The following DPP6 variants were observed in gnomAD, a reference collection of about 807,000 sequenced individuals.
DPP6 encodes A-type potassium channel modulatory protein DPP6.
Under a neutral mutation model 122.6 loss-of-function variants are expected in DPP6, and 69 were observed. The ratio of observed to expected loss-of-function variants is 0.56; its 90% CI spans 0.46 to 0.69. DPP6 has a LOEUF of 0.69. Ranked by LOEUF, DPP6 falls within the 30% of genes least tolerant of loss-of-function variation. DPP6 has a pLI of 0.00. For missense variants in DPP6, 928 were observed against 1,116.9 expected (o/e 0.83, Z 2.41); for synonymous variants, 418 against 433.1 (o/e 0.97, Z 0.43).
chr7:154,771,277 G>GGCAT (rs71184035), intron 9 of DPP6, among the ~76,000 whole-genome samples: 1 of 152,180 alleles, frequency 6.6e-6, no homozygotes, highest in Non-Finnish European at 1.5e-5. Flanking sequence ...GACCTAGGCA[G>GGCAT]CTTAAACAGC....
chr7:154,355,154 A>G (rs1811172544), intron 1 of DPP6, among the ~76,000 whole-genome samples: 1 of 152,198 alleles, frequency 6.6e-6, no homozygotes, highest in Non-Finnish European at 1.5e-5. Context: ...CTCCTTAGTC[A>G]AGTACCTATT....
the DPP6 span, among the ~76,000 whole-genome samples, chr7:153,862,635 C>T: frequency 6.6e-6 from 1 of 152,082 alleles, no homozygotes; most frequent in East Asian, 1.9e-4. Flanking sequence ...TTTTTTCCTT[C>T]TAAATGTAAT....
chr7:154,579,735 A>T (rs944142697), intron 5 of DPP6, among the ~76,000 whole-genome samples: 13 of 152,092 alleles, frequency 8.5e-5, no homozygotes, highest in Non-Finnish European at 1.5e-4. Context: ...CAGCAGGGAG[A>T]TGGACTGGCA....
chr7:154,137,542 A>G (rs1210795248), intron 1 of DPP6, among the ~76,000 whole-genome samples: 2 of 150,774 alleles, frequency 1.3e-5, no homozygotes, highest in Non-Finnish European at 3.0e-5. Context: ...TAATACACAC[A>G]TTGCAGAGCA....
At chr7:153,776,525 A>G in the DPP6 span, among the ~76,000 whole-genome samples, 8 of 146,842 alleles carry the variant, frequency 5.4e-5, no homozygotes, top group Non-Finnish European at 1.2e-4. Context: ...TTAAACCTCT[A>G]TTCTTTATAA....
At chr7:154,187,215 CAGTG>C (rs928176007) in intron 1 of DPP6, among the ~76,000 whole-genome samples, 16 of 152,316 alleles carry the variant, frequency 1.1e-4, no homozygotes, top group African/African-American at 3.4e-4. Context: ...CTTTAAAAAA[CAGTG>C]AGAGTCTTCT....
At position 154,772,663 on chromosome 7, in the gene DPP6, C is replaced by T. The variant is rs111645070; in HGVS notation, c.1039-182C>T. Among the ~76,000 whole-genome samples, 441 of 152,280 alleles carry T rather than the reference C, an allele frequency of 2.9e-3. 1 individual carries two copies. Among genetic ancestry groups the T allele is most frequent in the Middle Eastern group, 6.8e-3 (2 of 292 alleles). On this transcript the variant is annotated intron_variant, in intron 9 of 25. Coordinates refer to ENST00000377770, the MANE Select transcript of DPP6 (RefSeq NM_130797.4). ...AAAGCAAGAATCAGCCCACTTAGCCCTTTGTCCTTTTGAAACCCTACACAT... is the reference window on the plus strand; with the variant it reads ...AAAGCAAGAATCAGCCCACTTAGCCTTTTGTCCTTTTGAAACCCTACACAT...
chr7:154,679,809 C>A (rs7781813), intron 7 of DPP6, among the ~76,000 whole-genome samples: 7 of 152,158 alleles, frequency 4.6e-5, no homozygotes, highest in South Asian at 2.1e-4. Context: ...AATTAATATC[C>A]CACGGATGGA....
At position 154,330,357 on chromosome 7, in the gene DPP6, C is replaced by G. The variant is rs74896877; in HGVS notation, c.244-115857C>G. On this transcript the variant is annotated intron_variant, in intron 1 of 25. Transcript: ENST00000377770. The stretch of plus-strand genomic sequence containing the variant: ...GAAAAGAAAAAAGACAAGTCATGAT[C>G]TCTGAGGACAAGGTATTCACAGCCG... Among the ~76,000 whole-genome samples, 1,066 of 152,288 alleles carry G rather than the reference C, an allele frequency of 7.0e-3. 28 individuals carry two copies. The highest frequency in any genetic ancestry group is 0.06 in the East Asian group (313 of 5,180).
chr7:154,060,729 C>CA (rs1801693586), intron 1 of DPP6, among the ~76,000 whole-genome samples: 1 of 119,726 alleles, frequency 8.4e-6, no homozygotes, highest in African/African-American at 3.2e-5. Context: ...GGGGAGGCAC[C>CA]CCCCGCGAGG....
At chr7:154,853,649 T>C in intron 16 of DPP6, 131 bp from the exon 17 acceptor site, 2 of 1,296,762 alleles carry the variant, frequency 1.5e-6, no homozygotes, top group South Asian at 3.1e-5. Flanking sequence ...TTGATTACTC[T>C]TGCATGAATT....
intron 16 of DPP6, among the ~76,000 whole-genome samples, chr7:154,834,746 A>C (rs1444636727): frequency 1.3e-5 from 2 of 152,198 alleles, no homozygotes; most frequent in Non-Finnish European, 2.9e-5. Context: ...AAAGAAGTAA[A>C]GTTGAATGTA....
intron 16 of DPP6, among the ~76,000 whole-genome samples, chr7:154,831,318 G>T (rs1800611703): frequency 6.6e-6 from 1 of 152,200 alleles, no homozygotes; most frequent in Non-Finnish European, 1.5e-5. Context: ...GACCACACAG[G>T]CCACAGTGCT....
At chr7:154,163,755 A>T (rs1254565568) in intron 1 of DPP6, among the ~76,000 whole-genome samples, 1 of 152,130 alleles carries the variant, frequency 6.6e-6, no homozygotes, top group Non-Finnish European at 1.5e-5. Flanking sequence ...TAGCCTCTGG[A>T]GAAGGTTCCA....
At chr7:153,799,779 A>C in the DPP6 span, among the ~76,000 whole-genome samples, 1 of 152,254 alleles carries the variant, frequency 6.6e-6, no homozygotes, top group Non-Finnish European at 1.5e-5. Flanking sequence ...TCATTCTATT[A>C]TCCCAATATT....
At chr7:154,834,480 GAAAAACAAAAACAAAAAC>G (rs10595720) in intron 16 of DPP6, among the ~76,000 whole-genome samples, 90 of 150,004 alleles carry the variant, frequency 6.0e-4, no homozygotes, top group Non-Finnish European at 8.6e-4. Flanking sequence ...CCATCTCAAA[GAAAAACAAAAACAAAAAC>G]AAAAACAAAA....
chr7:154,093,223 TACAC>T (rs1301669464), intron 1 of DPP6, among the ~76,000 whole-genome samples: 2 of 143,848 alleles, frequency 1.4e-5, no homozygotes, highest in South Asian at 4.4e-4. Flanking sequence ...ATACACATCA[TACAC>T]ACGACACACA....
intron 1 of DPP6, among the ~76,000 whole-genome samples, chr7:154,004,299 C>G (rs1797815049): frequency 6.6e-6 from 1 of 152,192 alleles, no homozygotes; most frequent in Admixed American, 6.5e-5. Context: ...CTGCTACTTC[C>G]TGGGTTCATG....
chr7:154,727,926 TTGC>T, intron 8 of DPP6, 39 bp downstream of exon 8: 3 of 1,561,542 alleles, frequency 1.9e-6, no homozygotes, highest in Non-Finnish European at 2.6e-6. Context: ...AGATTTGTGG[TTGC>T]TGCTGCTGCT....
Sources: allele counts gnomAD v4.1 joint callset (sites outside exome capture counted in the v4.1 genomes callset), GRCh38; gene constraint gnomAD v4.1.1; transcripts MANE v1.5; gene names NCBI Gene and HGNC (gene_info 2026-07-23, HGNC 2026-07-21).